SLIT1: variants seen among roughly 807,000 people sequenced by gnomAD.
SLIT1 encodes the protein slit guidance ligand 1.
SLIT1 carries 66 observed loss-of-function variants against 186.1 expected under a neutral mutation model. The ratio of observed to expected loss-of-function variants is 0.35; its 90% CI spans 0.29 to 0.44. SLIT1 has a LOEUF of 0.44. SLIT1 is among the 20% of genes least tolerant of loss of function. The pLI is 1.00. For missense variants in SLIT1, 1,638 were observed against 2,037.4 expected (o/e 0.80, Z 3.77); for synonymous variants, 761 against 833.8 (o/e 0.91, Z 1.50).
chr10:97,089,480 G>C (rs1386517564), intron 4 of SLIT1, among the ~76,000 whole-genome samples: 4 of 152,162 alleles, frequency 2.6e-5, no homozygotes, highest in Non-Finnish European at 4.4e-5. Context: ...ACTGCGCAGA[G>C]AGATAATTTG....
rs1260618492 is a variant in SLIT1, at chr10:97,081,540, T to C, written c.414-15454A>G. On this transcript the variant is annotated intron_variant, in intron 4 of 36. Coordinates refer to ENST00000266058, the MANE Select transcript of SLIT1 (RefSeq NM_003061.3). ...CGGGGCTGTCACACCCTGTCAGTCTTGGCCTCAGGAGTTTCTCAGAAGAAA... is the reference window on the plus strand; with the variant it reads ...CGGGGCTGTCACACCCTGTCAGTCTCGGCCTCAGGAGTTTCTCAGAAGAAA... Among the ~76,000 whole-genome samples, 3 of 152,196 alleles carry C rather than the reference T, an allele frequency of 2.0e-5. No individual in the cohort carries two copies. The East Asian group carries it at 5.8e-4, about 29-fold the overall frequency.
intron 4 of SLIT1, among the ~76,000 whole-genome samples, chr10:97,133,463 T>A (rs1849673528): frequency 6.6e-6 from 1 of 152,156 alleles, no homozygotes; most frequent in Non-Finnish European, 1.5e-5. Flanking sequence ...AGCTGTCAAA[T>A]TTATAGAGAC....
chr10:97,021,150 C>T lies in SLIT1; in HGVS notation c.2746+100G>A, dbSNP rs1848498717. 4 of 1,207,828 alleles carry T rather than the reference C, an allele frequency of 3.3e-6. No homozygotes were observed. The highest frequency in any genetic ancestry group is 2.6e-5 in the East Asian group (1 of 38,034). 74.8% of individuals were successfully genotyped at this position (1,207,828 alleles called of 1,614,324 possible). On this transcript the variant is annotated intron_variant, in intron 26 of 36. Coordinates refer to ENST00000266058, the MANE Select transcript of SLIT1 (RefSeq NM_003061.3). The surrounding 1 kb of genome is among the most constrained non-coding windows in gnomAD (Gnocchi z 4.5). ...TGTTCCTGTCCCCTGACCCCCCGCC[C>T]AGCGGTCACCACAGGGACGCAGGCA... is the stretch of plus-strand genomic sequence containing the variant.
rs536965289 is a variant in SLIT1 at position 97,184,584 on chromosome 10, C to G, written c.197+894G>C. On this transcript the variant is annotated intron_variant, in intron 1 of 36. Coordinates refer to ENST00000266058, the MANE Select transcript of SLIT1 (RefSeq NM_003061.3). This position sits in a 1 kb window ranked among gnomAD's most constrained non-coding sequence, Gnocchi z 4.4. ...GTAAATACACACACTCAAACACACC[C>G]AAACACACACACACACATTCTACTA... is the stretch of plus-strand genomic sequence containing the variant. 3.3e-5 allele frequency among the ~76,000 whole-genome samples: 5 copies of G among 152,212 alleles called. No homozygotes were observed. In the South Asian group the frequency reaches 1.0e-3, roughly 32 times the overall value.
intron 1 of SLIT1, among the ~76,000 whole-genome samples, chr10:97,183,304 C>T (rs752197380): frequency 1.1e-4 from 16 of 152,196 alleles, no homozygotes; most frequent in Non-Finnish European, 1.8e-4. Flanking sequence ...CGCCTCAGCA[C>T]CCAGGGCAGT....
intron 4 of SLIT1, among the ~76,000 whole-genome samples, chr10:97,107,244 C>T (rs984687266): frequency 1.3e-5 from 2 of 152,250 alleles, no homozygotes; most frequent in Non-Finnish European, 2.9e-5. Context: ...GGCTCATGTG[C>T]TGCTGAGGCT....
In SLIT1 at chr10:97,019,747, G is replaced by A. The variant is rs550151036; in HGVS notation, c.2747-640C>T. Among the ~76,000 whole-genome samples, 503 of 152,224 alleles carry A rather than the reference G, an allele frequency of 3.3e-3. 1 individual carries two copies. The highest frequency in any genetic ancestry group is 5.7e-3 in the Non-Finnish European group (385 of 68,012). On this transcript the variant is annotated intron_variant, in intron 26 of 36. Coordinates refer to ENST00000266058, the MANE Select transcript of SLIT1 (RefSeq NM_003061.3). ...AACCAGAGGAGCCGACAGCCAGGCC[G>A]CCTGGGACACCACCCGTAAGGGGCA... is the stretch of plus-strand genomic sequence containing the variant.
chr10:97,043,204 G>C lies in SLIT1; in HGVS notation c.1998-137C>G, dbSNP rs1480719182. ...CCAGACCACCACCCATCACCAAGAG[G>C]ACCGGCTCTGAGGACCGGAGGGAGA... is the stretch of plus-strand genomic sequence containing the variant. On this transcript the variant is annotated intron_variant, in intron 19 of 36. Coordinates refer to ENST00000266058, the MANE Select transcript of SLIT1 (RefSeq NM_003061.3). This position sits in a 1 kb window ranked among gnomAD's most constrained non-coding sequence, Gnocchi z 7.0. The C allele has an allele frequency of 7.6e-7, 1 of 1,310,002 alleles. No individual in the cohort carries two copies. Among genetic ancestry groups the C allele is most frequent in the Non-Finnish European group, 1.1e-6 (1 of 936,192 alleles). The allele number at this position is 1,310,002 out of a possible 1,614,324, so 81.1% of individuals were successfully genotyped here. A position where few individuals can be genotyped will look rare whatever the true frequency, so the allele number is the denominator to read the frequency against.
intron 22 of SLIT1, among the ~76,000 whole-genome samples, chr10:97,035,780 T>C (rs1848633280): frequency 6.7e-6 from 1 of 148,278 alleles, no homozygotes; most frequent in Admixed American, 6.7e-5. Flanking sequence ...CTCTGCTCCC[T>C]GCTCCGAAGA....
intron 4 of SLIT1, among the ~76,000 whole-genome samples, chr10:97,141,640 C>CTGTATTGCATTGTAT (rs371904418): frequency 6.6e-6 from 1 of 151,948 alleles, no homozygotes; most frequent in African/African-American, 2.4e-5. Context: ...CCTTAATGCA[C>CTGTATTGCATTGTAT]TGTATTGCAT....
intron 10 of SLIT1, 82 bp from the exon 11 acceptor site, chr10:97,059,613 A>G: frequency 1.0e-6 from 1 of 1,001,892 alleles, no homozygotes; most frequent in Non-Finnish European, 1.6e-6. Flanking sequence ...CACCTCCTAG[A>G]TGTCACAGGA....
chr10:97,172,934 GGAGAGAGAGA>G (rs72293609), intron 1 of SLIT1, among the ~76,000 whole-genome samples: 15 of 148,066 alleles, frequency 1.0e-4, no homozygotes, highest in African/African-American at 1.3e-4. Flanking sequence ...AAGGAAGGAG[GGAGAGAGAGA>G]GAGAGAGAGA....
At chr10:97,178,753 T>C (rs1284009502) in intron 1 of SLIT1, among the ~76,000 whole-genome samples, 1 of 150,450 alleles carries the variant, frequency 6.6e-6, no homozygotes, top group Admixed American at 6.7e-5. Flanking sequence ...AAAAATTACC[T>C]ATGAGTGTGT....
At chr10:97,090,435 G>A (rs1243062086) in intron 4 of SLIT1, among the ~76,000 whole-genome samples, 1 of 152,210 alleles carries the variant, frequency 6.6e-6, no homozygotes, top group Non-Finnish European at 1.5e-5. Context: ...GTGGTGGCTA[G>A]AGCCATAGGC....
At chr10:97,139,928 G>A (rs185698522) in intron 4 of SLIT1, among the ~76,000 whole-genome samples, 8 of 152,258 alleles carry the variant, frequency 5.3e-5, no homozygotes, top group South Asian at 2.1e-4. Context: ...GGTGCCCATC[G>A]CCCCTCACTA....
intron 4 of SLIT1, among the ~76,000 whole-genome samples, chr10:97,144,019 G>A (rs901351351): frequency 5.3e-5 from 8 of 152,118 alleles, no homozygotes; most frequent in African/African-American, 1.7e-4. Flanking sequence ...CCAACATGGC[G>A]AAACCCCGTC....
intron 1 of SLIT1, among the ~76,000 whole-genome samples, chr10:97,182,624 C>T (rs1850353680): frequency 6.6e-6 from 1 of 152,230 alleles, no homozygotes; most frequent in Non-Finnish European, 1.5e-5. Flanking sequence ...CCCAGGATAA[C>T]TCACCCCTGG....
At chr10:97,112,945 C>T (rs985978384) in intron 4 of SLIT1, among the ~76,000 whole-genome samples, 5 of 152,300 alleles carry the variant, frequency 3.3e-5, no homozygotes, top group African/African-American at 4.8e-5. Flanking sequence ...CCTCCCACCT[C>T]GGCCTTTCAA....
intron 30 of SLIT1, among the ~76,000 whole-genome samples, chr10:97,012,171 CCTT>C (rs1848417560): frequency 6.7e-6 from 1 of 150,312 alleles, no homozygotes. Flanking sequence ...TACTGATTAT[CCTT>C]ATTATATAAG....
Sources: gnomAD v4.1 joint callset for allele counts (sites outside exome capture counted in the v4.1 genomes callset) on GRCh38, gnomAD v4.1.1 for gene constraint, Gnocchi (gnomAD v3.1) non-coding constraint, MANE v1.5 for transcripts, NCBI Gene and HGNC (gene_info 2026-07-23, HGNC 2026-07-21) for gene names.